The following SYNJ2 variants were observed in gnomAD, a reference collection of about 807,000 sequenced individuals.
SYNJ2 encodes the protein polyphosphatidylinositol phosphatase SYNJ2.
In SYNJ2, 116 loss-of-function variants were observed where a neutral mutation model predicts 141.3. That is an observed-to-expected ratio of 0.82 (90% CI 0.71 to 0.96). The LOEUF (loss-of-function observed/expected upper bound fraction) is 0.96. SYNJ2 is among the 40% of genes least tolerant of loss of function. The probability of loss-of-function intolerance (pLI) is 0.00; values close to 1 mark genes in which losing one functional copy is unlikely to be tolerated. For missense variants in SYNJ2, 1,873 were observed against 1,934.8 expected, an observed-to-expected ratio of 0.97 and a Z score of 0.60; for synonymous variants, 745 against 777.7, an observed-to-expected ratio of 0.96 and a Z score of 0.70.
At chr6:158,068,113 A>G in intron 12 of SYNJ2, 1 of 346,130 alleles carries the variant, frequency 2.9e-6, no homozygotes, top group Non-Finnish European at 4.0e-6. Flanking sequence ...CAAGCAGATC[A>G]GACAGAGGGA....
intron 12 of SYNJ2, among the ~76,000 whole-genome samples, chr6:158,068,241 C>T (rs1208313213): frequency 1.3e-5 from 2 of 151,978 alleles, no homozygotes; most frequent in African/African-American, 4.8e-5. Context: ...CCTGGCCTCT[C>T]GCTGACAGAG....
chr6:158,031,968 A>G (rs1583358436), intron 3 of SYNJ2, among the ~76,000 whole-genome samples: 1 of 152,346 alleles, frequency 6.6e-6, no homozygotes, highest in East Asian at 1.9e-4. Flanking sequence ...TGCCACATGC[A>G]GATTTCATAT....
At chr6:158,017,762 C>T (rs779232174) in intron 2 of SYNJ2, 3 of 532,564 alleles carry the variant, frequency 5.6e-6, no homozygotes, top group Non-Finnish European at 1.2e-5. Context: ...GGGACCTGCT[C>T]CTCCTGCAGG....
rs1193459469 is a variant in SYNJ2 at position 158,083,420 on chromosome 6, C to T, written c.2866-9C>T. ...TATTTATTCCTGGGTGGCCGCTCTG[C>T]CCTCCCAGGTGAAAGGCAGAGCAGT... On this transcript the variant is annotated splice_polypyrimidine_tract_variant and intron_variant, in intron 20 of 26. Transcript: ENST00000355585. 1.9e-6 allele frequency: 3 copies of T among 1,612,032 alleles called. No individual in the cohort carries two copies. In the Admixed American group the frequency reaches 5.0e-5, roughly 27 times the overall value.
chr6:157,991,465 G>T (rs1777421479), intron 1 of SYNJ2, among the ~76,000 whole-genome samples: 1 of 152,172 alleles, frequency 6.6e-6, no homozygotes, highest in African/African-American at 2.4e-5. Flanking sequence ...CAGCTTGGGA[G>T]GGAGGAGACC....
At chr6:158,010,334 G>T (rs548789224) in intron 1 of SYNJ2, among the ~76,000 whole-genome samples, 113 of 152,342 alleles carry the variant, frequency 7.4e-4, no homozygotes, top group African/African-American at 2.6e-3. Context: ...ACAGTTGTTT[G>T]GGGGCAAGTA....
chr6:158,055,157 C>T (rs1461948674), intron 6 of SYNJ2, 129 bp downstream of exon 6: 1 of 918,564 alleles, frequency 1.1e-6, no homozygotes, highest in East Asian at 2.8e-5. Flanking sequence ...GCTGCTTTCC[C>T]TTTGGTCCTT....
intron 1 of SYNJ2, among the ~76,000 whole-genome samples, chr6:158,008,605 G>A (rs1031145102): frequency 5.9e-5 from 9 of 152,210 alleles, no homozygotes; most frequent in Admixed American, 5.9e-4. Context: ...GGTGGAGTTG[G>A]TGGGTACGTG....
At chr6:157,999,931 CAT>C (rs527933413) in intron 1 of SYNJ2, among the ~76,000 whole-genome samples, 129 of 152,262 alleles carry the variant, frequency 8.5e-4, no homozygotes, top group East Asian at 1.4e-3. Context: ...GTTTTTCACA[CAT>C]GTTTGACCTT....
intron 2 of SYNJ2, among the ~76,000 whole-genome samples, chr6:158,022,978 G>A (rs7753520): frequency 0.38 from 57,552 of 152,010 alleles, 11,213 homozygotes; most frequent in Middle Eastern, 0.5. Flanking sequence ...GGCCAGGCAT[G>A]GTGGCTCATA....
intron 5 of SYNJ2, among the ~76,000 whole-genome samples, chr6:158,049,628 C>A (rs10946036): frequency 0.24 from 37,190 of 152,126 alleles, 4,773 homozygotes; most frequent in East Asian, 0.41. Context: ...ATGGAGGGAC[C>A]CAGCCTGAGG....
rs1247612086 is a variant in SYNJ2, at chr6:158,096,898, C to T, written c.*534C>T. 6.5e-6 allele frequency: 1 copy of T among 155,000 alleles called. No individual in the cohort carries two copies. The highest frequency in any genetic ancestry group is 1.4e-5 in the Non-Finnish European group (1 of 69,896). The allele number at this position is 155,000 out of a possible 1,614,324, so 9.6% of individuals were successfully genotyped here. A position where few individuals can be genotyped will look rare whatever the true frequency, so the allele number is the denominator to read the frequency against. ...AGTCGGAAGCAGCCAAATAGGTCAA[C>T]CTAATGACTAGACTGTACATTCCCA... On this transcript the variant is annotated 3_prime_UTR_variant, in exon 27 of 27. Coordinates refer to ENST00000355585, the MANE Select transcript of SYNJ2 (RefSeq NM_003898.4).
At chr6:158,022,977 T>C (rs1230991426) in intron 2 of SYNJ2, among the ~76,000 whole-genome samples, 2 of 152,052 alleles carry the variant, frequency 1.3e-5, no homozygotes, top group African/African-American at 4.8e-5. Flanking sequence ...AGGCCAGGCA[T>C]GGTGGCTCAT....
At chr6:158,017,646 C>T (rs563167288) in intron 2 of SYNJ2, 7 of 444,732 alleles carry the variant, frequency 1.6e-5, no homozygotes, top group African/African-American at 1.4e-4. Flanking sequence ...AAACTCCGAC[C>T]TCAGGTGGTC....
intron 1 of SYNJ2, among the ~76,000 whole-genome samples, chr6:157,984,704 C>T (rs62423497): frequency 0.046 from 6,948 of 152,262 alleles, 450 homozygotes; most frequent in East Asian, 0.25. Context: ...ATGCCTGACC[C>T]GAGAAGGTGA....
rs891155482 is a variant in SYNJ2, at chr6:158,016,709, C to T, written c.128-495C>T. 3.9e-5 allele frequency among the ~76,000 whole-genome samples: 6 copies of T among 152,088 alleles called. No homozygotes were observed. The South Asian group carries it at 6.2e-4, about 16-fold the overall frequency. On this transcript the variant is annotated intron_variant, in intron 1 of 26. Transcript: ENST00000355585. ...GCATGGACAATCACTGCCAAAGACC[C>T]GGCAGGCAAGGCACGCAGCTTTCCT... is the stretch of plus-strand genomic sequence containing the variant.
chr6:158,062,038 A>G lies in SYNJ2; in HGVS notation c.1001A>G (p.Asn334Ser), dbSNP rs781309176. 4.3e-6 allele frequency: 7 copies of G among 1,614,122 alleles called. No homozygotes were observed. The highest frequency in any genetic ancestry group is 2.2e-5 in the East Asian group (1 of 44,880). ...CACGCGGGCGACACGCCTATGATCA[A>G]TTTTGACTTCCATCAGTTTGCCAAA... ...SCHAGDTPMI[N>S]FDFHQFAKGG... Residue 334 changes from asparagine (N) to serine (S), a missense_variant, in exon 8 of 27, where the codon AAT (asparagine) becomes AGT (serine). Coordinates refer to ENST00000355585, the MANE Select transcript of SYNJ2 (RefSeq NM_003898.4).
At chr6:158,067,231 C>T (rs1030352200) in intron 12 of SYNJ2, among the ~76,000 whole-genome samples, 15 of 152,330 alleles carry the variant, frequency 9.8e-5, no homozygotes, top group African/African-American at 3.4e-4. Flanking sequence ...GTTGGCCAGG[C>T]TGGTCTCGAA....
chr6:158,064,277 G>C (rs912617877), intron 9 of SYNJ2, among the ~76,000 whole-genome samples: 1 of 152,012 alleles, frequency 6.6e-6, no homozygotes, highest in Non-Finnish European at 1.5e-5. Context: ...TCTCCTGGCT[G>C]GGGGGTCGGG....
Sources: allele counts gnomAD v4.1 joint callset (sites outside exome capture counted in the v4.1 genomes callset), GRCh38; gene constraint gnomAD v4.1.1; transcripts MANE v1.5; gene names NCBI Gene and HGNC (gene_info 2026-07-23, HGNC 2026-07-21).